MED26: variants seen among roughly 807,000 people sequenced by gnomAD.
MED26 encodes the protein mediator of RNA polymerase II transcription subunit 26.
A neutral mutation model predicts 43.7 loss-of-function variants in MED26; 7 were observed. That is an observed-to-expected ratio of 0.16 (90% CI 0.09 to 0.30). MED26 has a LOEUF of 0.30. MED26 is among the 10% of genes least tolerant of loss of function. The pLI, the probability that MED26 is intolerant of heterozygous loss-of-function variation, is 1.00. For synonymous variants in MED26, 375 were observed against 371.1 expected, an observed-to-expected ratio of 1.01 and a Z score of -0.12; for missense variants, 784 against 840.6, an observed-to-expected ratio of 0.93 and a Z score of 0.83.
Position 16,576,201 on chromosome 19 carries a change from C to G in MED26, c.1629G>C (p.Leu543=). 6.2e-7 allele frequency: 1 copy of G among 1,612,724 alleles called. No individual in the cohort carries two copies. The highest frequency in any genetic ancestry group is 8.5e-7 in the Non-Finnish European group (1 of 1,180,016). Residue 543 remains leucine, a synonymous_variant, in exon 3 of 3, where the codon CTG becomes CTC. Transcript: ENST00000263390. The surrounding 1 kb of genome is among the most constrained non-coding windows in gnomAD (Gnocchi z 6.8). ...PQSPPTDLPG[L]TREVTQDDLD... ...GATCGTCCTGTGTGACCTCCCGGGT[C>G]AGACCAGGGAGGTCCGTGGGCGGGC...
chr19:16,591,884 G>A (rs1318108755), intron 1 of MED26, among the ~76,000 whole-genome samples: 3 of 152,162 alleles, frequency 2.0e-5, no homozygotes, highest in Non-Finnish European at 2.9e-5. Context: ...GACTTTCCCC[G>A]CTAGAGAGCT....
At position 16,576,025 on chromosome 19, in the gene MED26, G is replaced by T. The variant is rs149602965; in HGVS notation, c.*2C>A. 468 of 1,603,562 alleles carry T rather than the reference G, an allele frequency of 2.9e-4. No homozygotes were observed. In the African/African-American group the frequency reaches 5.7e-3, roughly 20 times the overall value. ...GAATGCACTTTGTGGCTGACAGGCCGGTCAGTCCAAGCAGACATAAGGCAG... is the reference window on the plus strand; with the variant it reads ...GAATGCACTTTGTGGCTGACAGGCCTGTCAGTCCAAGCAGACATAAGGCAG... On this transcript the variant is annotated 3_prime_UTR_variant, in exon 3 of 3. Coordinates refer to ENST00000263390, the MANE Select transcript of MED26 (RefSeq NM_004831.5). This position sits in a 1 kb window ranked among gnomAD's most constrained non-coding sequence, Gnocchi z 6.8.
chr19:16,576,667 C>A lies in MED26; in HGVS notation c.1163G>T (p.Gly388Val), dbSNP rs763574102. Residue 388 changes from glycine (G) to valine (V), a missense_variant, in exon 3 of 3, where the codon GGC (glycine) becomes GTC (valine). Gly to Val is a moderately radical substitution (Grantham distance 109). Around this residue, in one of 3 missense-constraint regions of MED26, gnomAD observed 719 missense variants for 730.9 expected, o/e 0.98. Coordinates refer to ENST00000263390, the MANE Select transcript of MED26 (RefSeq NM_004831.5). This position sits in a 1 kb window ranked among gnomAD's most constrained non-coding sequence, Gnocchi z 6.8. ...CCTCTTCTTCTTTTTACTGTCCGAG[C>A]CCCCTGAGGAGGCAGCATCACTGTC... ...KADSDAASSGGSDSKKKKRYR... is the reference protein window; with the variant it reads ...KADSDAASSGVSDSKKKKRYR... 6 of 1,614,116 alleles carry A rather than the reference C, an allele frequency of 3.7e-6. No individual in the cohort carries two copies. The highest frequency in any genetic ancestry group is 1.1e-5 in the South Asian group (1 of 91,090).
intron 1 of MED26, among the ~76,000 whole-genome samples, chr19:16,602,610 GATGA>G (rs1173949312): frequency 6.6e-6 from 1 of 152,216 alleles, no homozygotes; most frequent in East Asian, 1.9e-4. Flanking sequence ...TTCAGGAACA[GATGA>G]ATGAATAAGC....
At position 16,577,714 on chromosome 19, in the gene MED26, C is replaced by G; in HGVS notation, c.148-32G>C. The G allele has an allele frequency of 6.6e-7, 1 of 1,515,522 alleles. No homozygotes were observed. Among genetic ancestry groups the G allele is most frequent in the Non-Finnish European group, 8.9e-7 (1 of 1,122,738 alleles). 93.9% of individuals were successfully genotyped at this position (1,515,522 alleles called of 1,614,324 possible). ...CCAGAGGGAGATGATGACATACTTT[C>G]GGGACAGGAACTTCTCCATGAGCTG... On this transcript the variant is annotated intron_variant, in intron 2 of 2. Transcript: ENST00000263390. This position sits in a 1 kb window ranked among gnomAD's most constrained non-coding sequence, Gnocchi z 8.1.
chr19:16,603,441 G>C (rs141152569), intron 1 of MED26, among the ~76,000 whole-genome samples: 1 of 152,118 alleles, frequency 6.6e-6, no homozygotes, highest in Non-Finnish European at 1.5e-5. Context: ...TAAGCCATGA[G>C]TGCTCATGAG....
chr19:16,606,068 CAG>C (rs1440458673), intron 1 of MED26, among the ~76,000 whole-genome samples: 4 of 152,230 alleles, frequency 2.6e-5, no homozygotes, highest in Non-Finnish European at 5.9e-5. Context: ...GACAGCCAGA[CAG>C]AGCCAAGCTG....
chr19:16,577,615 C>T lies in MED26; in HGVS notation c.215G>A (p.Arg72Gln), dbSNP rs1166876889. 1 of 1,599,086 alleles carries T rather than the reference C, an allele frequency of 6.3e-7. No homozygotes were observed. Among genetic ancestry groups the T allele is most frequent in the South Asian group, 1.1e-5 (1 of 90,636 alleles). The stretch of plus-strand genomic sequence containing the variant: ...CCAGCTCCGCAGCAGCTTCTTGGCC[C>T]GCTTGGCGAGCTCCTCGTTCTTGGT... ...KKTKNEELAK[R>Q]AKKLLRSWQK... The change falls in exon 3 of 3, where the codon CGG becomes CAG. Residue 72 changes from arginine to glutamine, a missense_variant. Arg to Gln is a conservative substitution (Grantham distance 43). This residue lies in a region of MED26 where 28 missense variants were observed against 79.4 expected (regional missense o/e 0.35). Transcript: ENST00000263390. The surrounding 1 kb of genome is among the most constrained non-coding windows in gnomAD (Gnocchi z 8.1).
chr19:16,597,284 T>C (rs901583762), intron 1 of MED26: 52 of 396,840 alleles, frequency 1.3e-4, no homozygotes, highest in African/African-American at 9.7e-4. Flanking sequence ...GCAAGTTAAG[T>C]TTCCCCCACT....
chr19:16,583,176 T>A (rs1422089842), intron 1 of MED26, among the ~76,000 whole-genome samples: 1 of 152,232 alleles, frequency 6.6e-6, no homozygotes, highest in East Asian at 1.9e-4. Flanking sequence ...AATTGCAGCC[T>A]CTTGCTGTCA....
rs1599326104 is a variant in MED26, at chr19:16,575,114, T to C, written c.*913A>G. On this transcript the variant is annotated 3_prime_UTR_variant, in exon 3 of 3. Transcript: ENST00000263390. ...GCAAACGAATCTAAAGGAATGGTTATGAGTGTTTCCAGCGTACAGACAGGT... is the reference window on the plus strand; with the variant it reads ...GCAAACGAATCTAAAGGAATGGTTACGAGTGTTTCCAGCGTACAGACAGGT... 6.6e-6 allele frequency: 1 copy of C among 152,576 alleles called. No homozygotes were observed. The highest frequency in any genetic ancestry group is 1.9e-4 in the East Asian group (1 of 5,196). The allele number at this position is 152,576 out of a possible 1,614,324, so 9.5% of individuals were successfully genotyped here.
chr19:16,576,829 C>T lies in MED26; in HGVS notation c.1001G>A (p.Ser334Asn). Reference sequence around the variant, plus strand: ...AAGCCAGCACACTGGGCTTTCCGCACTGGGCAGCAGCTCGAGCCGCCGTAC... The same window carrying T: ...AAGCCAGCACACTGGGCTTTCCGCATTGGGCAGCAGCTCGAGCCGCCGTAC... ...PPVRRLELLP[S>N]AESPVCWLEQ... Residue 334 changes from serine (S) to asparagine (N), a missense_variant, in exon 3 of 3, where the codon AGT (serine) becomes AAT (asparagine). By Grantham distance (46) the Ser-to-Asn change is conservative (BLOSUM62 1). Around this residue, in one of 3 missense-constraint regions of MED26, gnomAD observed 719 missense variants for 730.9 expected, o/e 0.98. Transcript: ENST00000263390. This position sits in a 1 kb window ranked among gnomAD's most constrained non-coding sequence, Gnocchi z 6.8. 6.2e-7 allele frequency: 1 copy of T among 1,609,880 alleles called. No individual in the cohort carries two copies. The highest frequency in any genetic ancestry group is 8.5e-7 in the Non-Finnish European group (1 of 1,178,818).
At chr19:16,627,823 G>A in intron 1 of MED26, 49 bp downstream of exon 1, 2 of 1,396,396 alleles carry the variant, frequency 1.4e-6, no homozygotes, top group Non-Finnish European at 1.9e-6. Flanking sequence ...GAGGGGGAGG[G>A]TCCCGGGCCC....
At position 16,614,293 on chromosome 19, in the gene MED26, C is replaced by G. The variant is rs565852741; in HGVS notation, c.72+13579G>C. ...CTGTAATTCCAGCACTCTGGGAGGC[C>G]GAAGCAGGCAGATCGCTTGAGCTCA... On this transcript the variant is annotated intron_variant, in intron 1 of 2. Transcript: ENST00000263390. Among the ~76,000 whole-genome samples the G allele has an allele frequency of 3.1e-3, 472 of 152,168 alleles. 3 individuals are homozygous for G. The highest frequency in any genetic ancestry group is 3.9e-3 in the Non-Finnish European group (263 of 68,012).
intron 1 of MED26, among the ~76,000 whole-genome samples, chr19:16,594,126 G>C (rs2086109953): frequency 6.6e-6 from 1 of 152,218 alleles, no homozygotes; most frequent in African/African-American, 2.4e-5. Flanking sequence ...TCAGTGACAG[G>C]ATTATCCATA....
Position 16,577,065 on chromosome 19 carries a change from C to G in MED26, c.765G>C (p.Arg255Ser). The G allele has an allele frequency of 6.2e-7, 1 of 1,609,018 alleles. No individual in the cohort carries two copies. Reference sequence around the variant, plus strand: ...GGGGAGGCCCCGGAGTCTCGTCCACCCTGTCCAGCTGCTGCAGCACCGAAG... The same window carrying G: ...GGGGAGGCCCCGGAGTCTCGTCCACGCTGTCCAGCTGCTGCAGCACCGAAG... ...PKASVLQQLD[R>S]VDETPGPPHP... The change falls in exon 3 of 3, where the codon AGG becomes AGC. Residue 255 changes from arginine to serine, a missense_variant. Transcript: ENST00000263390. The surrounding 1 kb of genome is among the most constrained non-coding windows in gnomAD (Gnocchi z 8.1).
At chr19:16,584,426 G>A (rs76044750) in intron 1 of MED26, among the ~76,000 whole-genome samples, 7,899 of 152,250 alleles carry the variant, frequency 0.052, 280 homozygotes, top group Non-Finnish European at 0.063. Context: ...AGCCTAACTG[G>A]TGACATGTGC....
chr19:16,610,749 T>C (rs1275686187), intron 1 of MED26: 1 of 152,236 alleles, frequency 6.6e-6, no homozygotes, highest in Non-Finnish European at 1.5e-5. Context: ...GCCTCCAAAT[T>C]ACCCATTGCA....
rs1437109419 is a variant in MED26 at position 16,576,063 on chromosome 19, C to A, written c.1767G>T (p.Gly589=). ...CISLDPHGDD[G]RLNILPYVCL... ...AGACATAAGGCAGAATGTTCAAGCG[C>A]CCGTCGTCGCCGTGCGGATCGAGCG... is the stretch of plus-strand genomic sequence containing the variant. The change falls in exon 3 of 3, where the codon GGG becomes GGT. Residue 589 remains glycine (G), a synonymous_variant. Coordinates refer to ENST00000263390, the MANE Select transcript of MED26 (RefSeq NM_004831.5). The surrounding 1 kb of genome is among the most constrained non-coding windows in gnomAD (Gnocchi z 6.8). The A allele has an allele frequency of 6.2e-7, 1 of 1,613,688 alleles. No homozygotes were observed. The highest frequency in any genetic ancestry group is 1.3e-5 in the African/African-American group (1 of 75,012).
Sources: allele counts gnomAD v4.1 joint callset (sites outside exome capture counted in the v4.1 genomes callset), GRCh38; gene constraint gnomAD v4.1.1; regional missense constraint gnomAD v4.1.1; non-coding constraint Gnocchi (gnomAD v3.1); transcripts MANE v1.5; gene names NCBI Gene and HGNC (gene_info 2026-07-23, HGNC 2026-07-21).